BPIFB1: variants seen among roughly 807,000 people sequenced by gnomAD.
The protein encoded by BPIFB1 is BPI fold containing family B member 1, also known as BPI fold-containing family B member 1.
In BPIFB1, 34 loss-of-function variants were observed where a neutral mutation model predicts 55.1. That is an observed-to-expected ratio of 0.62 (90% CI 0.47 to 0.82). The LOEUF (loss-of-function observed/expected upper bound fraction) is 0.82. Among genes scored for constraint, BPIFB1 ranks in the 40% least tolerant of loss-of-function variants. The pLI is 0.00. For synonymous variants in BPIFB1, 236 were observed against 245.3 expected (o/e 0.96, Z 0.35); for missense variants, 532 against 593.1 (o/e 0.90, Z 1.07).
chr20:33,301,119 G>T, intron 8 of BPIFB1, 114 bp from the exon 9 acceptor site: 1 of 1,080,058 alleles, frequency 9.3e-7, no homozygotes. Flanking sequence ...TAAGCTTCCT[G>T]GCAACAAATG....
At chr20:33,301,189 G>T (rs775017321) in intron 8 of BPIFB1, 44 bp from the exon 9 acceptor site, 1 of 1,578,668 alleles carries the variant, frequency 6.3e-7, no homozygotes, top group South Asian at 1.1e-5. Context: ...TGGGTAAGCT[G>T]CAGAGTTAAA....
chr20:33,305,043 C>T (rs1333881063), intron 13 of BPIFB1, 152 bp downstream of exon 13: 3 of 803,596 alleles, frequency 3.7e-6, no homozygotes, highest in East Asian at 2.6e-5. Flanking sequence ...CAACTTCCCT[C>T]GAGTGTTTAC....
chr20:33,307,171 C>T, intron 15 of BPIFB1, 184 bp downstream of exon 15: 1 of 593,570 alleles, frequency 1.7e-6, no homozygotes. Context: ...AGGATGGAAC[C>T]CTCCTAGCCT....
chr20:33,309,693 C>A lies in BPIFB1; in HGVS notation c.1396-15C>A. On this transcript the variant is annotated splice_polypyrimidine_tract_variant and intron_variant, in intron 15 of 15. Transcript: ENST00000253354. The surrounding 1 kb of genome is among the most constrained non-coding windows in gnomAD (Gnocchi z 4.4). ...TAAAGAAACCTGTTTTCTGACTTTT[C>A]CCCTCCAATTCCAGGATGCCCTTGT... 6.2e-7 allele frequency: 1 copy of A among 1,613,576 alleles called. No individual in the cohort carries two copies. The highest frequency in any genetic ancestry group is 8.5e-7 in the Non-Finnish European group (1 of 1,179,478).
chr20:33,285,211 G>C lies in BPIFB1; in HGVS notation c.-41-822G>C, dbSNP rs548086246. On this transcript the variant is annotated intron_variant, in intron 1 of 15. Transcript: ENST00000253354. ...CATTCCAGGAAGCAAGGAAGAGCAA[G>C]AGCAAAGGCACGGACACAGGAGAGA... 1.1e-4 allele frequency among the ~76,000 whole-genome samples: 16 copies of C among 152,264 alleles called. No homozygotes were observed. In the South Asian group the frequency reaches 3.1e-3, roughly 30 times the overall value.
intron 13 of BPIFB1, among the ~76,000 whole-genome samples, chr20:33,305,612 C>T (rs370231118): frequency 6.6e-6 from 1 of 152,254 alleles, no homozygotes; most frequent in Admixed American, 6.5e-5. Flanking sequence ...CCACCATGCC[C>T]GGTGACTAAT....
chr20:33,302,598 TAGTATTTCCATTACAGCTGC>T, intron 10 of BPIFB1, 186 bp downstream of exon 10: 1 of 684,498 alleles, frequency 1.5e-6, no homozygotes. Flanking sequence ...ATCACATGGA[TAGTATTTCCATTACAGCTGC>T]AGTAACACAG....
At chr20:33,300,744 G>A (rs1238839692) in intron 8 of BPIFB1, among the ~76,000 whole-genome samples, 5 of 152,066 alleles carry the variant, frequency 3.3e-5, no homozygotes, top group East Asian at 1.9e-4. Flanking sequence ...TCGCCACCAC[G>A]CCTGGCTAAT....
chr20:33,302,621 T>C, intron 10 of BPIFB1: 1 of 660,444 alleles, frequency 1.5e-6, no homozygotes, highest in Non-Finnish European at 2.7e-6. Flanking sequence ...ACAGCTGCAG[T>C]AACACAGGAC....
intron 9 of BPIFB1, among the ~76,000 whole-genome samples, 179 bp from the exon 10 acceptor site, chr20:33,302,180 T>C (rs1260478363): frequency 6.6e-6 from 1 of 152,148 alleles, no homozygotes; most frequent in Non-Finnish European, 1.5e-5. Context: ...CAGGACCCCA[T>C]GCCCCATAGA....
chr20:33,297,845 C>T (rs145522771), intron 7 of BPIFB1, among the ~76,000 whole-genome samples: 45 of 152,306 alleles, frequency 3.0e-4, no homozygotes, highest in Admixed American at 5.9e-4. Context: ...CAGCTCTGCC[C>T]CTGACTTGCT....
rs1981016677 is a variant in BPIFB1 at position 33,306,074 on chromosome 20, C to G, written c.1318+9C>G. 6.2e-7 allele frequency: 1 copy of G among 1,613,896 alleles called. No individual in the cohort carries two copies. Among genetic ancestry groups the G allele is most frequent in the Non-Finnish European group, 8.5e-7 (1 of 1,179,910 alleles). On this transcript the variant is annotated intron_variant, in intron 14 of 15. Coordinates refer to ENST00000253354, the MANE Select transcript of BPIFB1 (RefSeq NM_033197.3). ...GCTGCCGAACCAGAATGGTGCATAC[C>G]TCTGCCATCTGTGCCCCCTCTCTCC... is the stretch of plus-strand genomic sequence containing the variant.
At chr20:33,292,387 C>G (rs898397092) in intron 6 of BPIFB1, among the ~76,000 whole-genome samples, 2 of 152,046 alleles carry the variant, frequency 1.3e-5, no homozygotes, top group Non-Finnish European at 2.9e-5. Flanking sequence ...CAATAGCACA[C>G]GATTGTATAT....
rs183417870 is a variant in BPIFB1 at position 33,302,548 on chromosome 20, A to C, written c.981+136A>C. On this transcript the variant is annotated intron_variant, in intron 10 of 15. Coordinates refer to ENST00000253354, the MANE Select transcript of BPIFB1 (RefSeq NM_033197.3). ...TCAAACCGCATCCCTGTCCGCACAG[A>C]GATTTCAGTCTAGCAGGCCAGTTTG... 3,414 of 971,462 alleles carry C rather than the reference A, an allele frequency of 3.5e-3. 18 individuals carry two copies. The highest frequency in any genetic ancestry group is 3.8e-3 in the Non-Finnish European group (2,349 of 617,350). The allele number at this position is 971,462 out of a possible 1,614,324, so 60.2% of individuals were successfully genotyped here. A position where few individuals can be genotyped will look rare whatever the true frequency, so the allele number is the denominator to read the frequency against.
At position 33,309,865 on chromosome 20, in the gene BPIFB1, C is replaced by A. The variant is rs922720363; in HGVS notation, c.*98C>A. The A allele has an allele frequency of 1.8e-6, 2 of 1,121,066 alleles. No individual in the cohort carries two copies. Among genetic ancestry groups the A allele is most frequent in the South Asian group, 1.3e-5 (1 of 77,172 alleles). The allele number at this position is 1,121,066 out of a possible 1,614,324, so 69.4% of individuals were successfully genotyped here. ...CCTCTCTGCAATCAATAAACACTTG[C>A]CTGTGATGCCTGCCGTCTGGAGTCT... On this transcript the variant is annotated 3_prime_UTR_variant, in exon 16 of 16. Coordinates refer to ENST00000253354, the MANE Select transcript of BPIFB1 (RefSeq NM_033197.3). This position sits in a 1 kb window ranked among gnomAD's most constrained non-coding sequence, Gnocchi z 4.4.
At chr20:33,306,826 C>A in intron 14 of BPIFB1, 85 bp from the exon 15 acceptor site, 1 of 1,138,516 alleles carries the variant, frequency 8.8e-7, no homozygotes, top group Non-Finnish European at 1.3e-6. Flanking sequence ...CAGGCCGGGG[C>A]TCCCCTTCAG....
chr20:33,295,902 G>A (rs1456851517), intron 6 of BPIFB1, among the ~76,000 whole-genome samples: 1 of 138,682 alleles, frequency 7.2e-6, no homozygotes, highest in Non-Finnish European at 1.5e-5. Context: ...AAAGAAGGAA[G>A]GAAGGAAGGG....
At chr20:33,304,147 G>C (rs1980942753) in intron 12 of BPIFB1, 122 bp downstream of exon 12, 2 of 826,968 alleles carry the variant, frequency 2.4e-6, no homozygotes, top group African/African-American at 3.4e-5. Context: ...GGTAGGCAGG[G>C]AGGTCCTTCC....
chr20:33,287,772 G>A (rs1980317399), intron 2 of BPIFB1, among the ~76,000 whole-genome samples: 1 of 152,146 alleles, frequency 6.6e-6, no homozygotes. Context: ...AGCTGTCTCT[G>A]GGGAACTGCC....
Sources: allele counts gnomAD v4.1 joint callset (sites outside exome capture counted in the v4.1 genomes callset), GRCh38; gene constraint gnomAD v4.1.1; non-coding constraint Gnocchi (gnomAD v3.1); transcripts MANE v1.5; gene names NCBI Gene and HGNC (gene_info 2026-07-23, HGNC 2026-07-21).